Variants in GALNT17 observed in about 807,000 individuals in gnomAD.
GALNT17 encodes UDP-GalNAc:polypeptide N-acetylgalactosaminyltransferase-like 3.
GALNT17 carries 29 observed loss-of-function variants against 63.7 expected under a neutral mutation model. That is an observed-to-expected ratio of 0.46 (90% CI 0.34 to 0.62). GALNT17 has a LOEUF of 0.62. Ranked by LOEUF, GALNT17 falls within the 20% of genes least tolerant of loss-of-function variation. GALNT17 has a pLI of 0.01. For missense variants in GALNT17, 603 were observed against 799.6 expected (o/e 0.75, Z 2.97); for synonymous variants, 305 against 318.3 (o/e 0.96, Z 0.45).
intron 6 of GALNT17, among the ~76,000 whole-genome samples, chr7:71,577,702 C>T (rs1413813870): frequency 6.6e-6 from 1 of 152,146 alleles, no homozygotes; most frequent in Non-Finnish European, 1.5e-5. Context: ...TTAATTTGCA[C>T]TCAGGGTAAA....
At chr7:71,540,105 T>TTTTC (rs1788865117) in intron 5 of GALNT17, among the ~76,000 whole-genome samples, 2 of 100,686 alleles carry the variant, frequency 2.0e-5, no homozygotes. Context: ...TTTTTTTTTT[T>TTTTC]TTTTTTTTTT....
intron 1 of GALNT17, among the ~76,000 whole-genome samples, chr7:71,248,329 A>G (rs112543746): frequency 0.055 from 8,421 of 152,188 alleles, 796 homozygotes; most frequent in African/African-American, 0.19. Flanking sequence ...GGGTATTACA[A>G]TTTGAGATGA....
At chr7:71,394,245 C>T (rs550955880) in intron 3 of GALNT17, among the ~76,000 whole-genome samples, 3 of 152,002 alleles carry the variant, frequency 2.0e-5, no homozygotes, top group South Asian at 2.1e-4. Flanking sequence ...GGAGGAGGTG[C>T]GAGGCTCTTT....
chr7:71,211,675 C>T (rs553816125), intron 1 of GALNT17, among the ~76,000 whole-genome samples: 17 of 152,224 alleles, frequency 1.1e-4, no homozygotes, highest in African/African-American at 4.1e-4. Flanking sequence ...ATGCTGATAG[C>T]TATATGGACA....
chr7:71,349,164 A>G (rs2527310), intron 2 of GALNT17, among the ~76,000 whole-genome samples: 45,700 of 152,172 alleles, frequency 0.3, 7,041 homozygotes, highest in East Asian at 0.48. Context: ...GGAGTTCTTC[A>G]TTGTTCTTGG....
chr7:71,133,623 G>A (rs1585826919), intron 1 of GALNT17, among the ~76,000 whole-genome samples: 1 of 152,172 alleles, frequency 6.6e-6, no homozygotes, highest in East Asian at 1.9e-4. Flanking sequence ...CTTGGGGGCT[G>A]CGGAGGGGCG....
intron 1 of GALNT17, among the ~76,000 whole-genome samples, chr7:71,327,847 A>G (rs1222991641): frequency 2.0e-5 from 3 of 152,216 alleles, no homozygotes; most frequent in Admixed American, 1.3e-4. Context: ...ATGCCTGATA[A>G]CAACTGGATT....
At chr7:71,538,519 A>C (rs986490222) in intron 5 of GALNT17, among the ~76,000 whole-genome samples, 1 of 152,138 alleles carries the variant, frequency 6.6e-6, no homozygotes, top group Non-Finnish European at 1.5e-5. Context: ...TAACCTAATA[A>C]AATTGATTTA....
intron 6 of GALNT17, among the ~76,000 whole-genome samples, chr7:71,592,563 CTAAAATAAAATAAAATAAAA>C (rs71089963): frequency 1.4e-5 from 1 of 69,954 alleles, no homozygotes; most frequent in African/African-American, 4.7e-5. Context: ...GCATAGCATA[CTAAAATAAAATAAAATAAAA>C]TAAAATAAAA....
chr7:71,421,719 G>T (rs1786667896), intron 5 of GALNT17, among the ~76,000 whole-genome samples: 1 of 152,174 alleles, frequency 6.6e-6, no homozygotes, highest in African/African-American at 2.4e-5. Context: ...GGAGGCCAAA[G>T]TGGGTGGATC....
chr7:71,195,411 T>G (rs1789029605), intron 1 of GALNT17, among the ~76,000 whole-genome samples: 1 of 151,296 alleles, frequency 6.6e-6, no homozygotes, highest in Admixed American at 6.6e-5. Flanking sequence ...AGATGGGGTC[T>G]CACTTGTTCA....
At chr7:71,593,199 G>A (rs1472623615) in intron 6 of GALNT17, among the ~76,000 whole-genome samples, 2 of 146,230 alleles carry the variant, frequency 1.4e-5, no homozygotes, top group Non-Finnish European at 3.0e-5. Flanking sequence ...AAAACAATTA[G>A]TTTTGGGACA....
At chr7:71,654,991 T>A (rs1330588508) in intron 6 of GALNT17, among the ~76,000 whole-genome samples, 1 of 152,100 alleles carries the variant, frequency 6.6e-6, no homozygotes, top group African/African-American at 2.4e-5. Flanking sequence ...GGTTTCACTA[T>A]GTTGGCCAGG....
At chr7:71,243,714 C>T (rs1790044635) in intron 1 of GALNT17, among the ~76,000 whole-genome samples, 2 of 152,110 alleles carry the variant, frequency 1.3e-5, no homozygotes, top group Non-Finnish European at 2.9e-5. Context: ...CCTTTAACTT[C>T]CTTCGATCTT....
chr7:71,155,109 T>C (rs1788210140), intron 1 of GALNT17, among the ~76,000 whole-genome samples: 1 of 151,754 alleles, frequency 6.6e-6, no homozygotes, highest in African/African-American at 2.4e-5. Context: ...TGAGTTTATT[T>C]GGAAATGCAA....
intron 9 of GALNT17, among the ~76,000 whole-genome samples, chr7:71,700,167 G>A (rs905784742): frequency 7.2e-5 from 11 of 151,764 alleles, no homozygotes; most frequent in African/African-American, 2.7e-4. Context: ...AACTAGCCAG[G>A]CACAGTGATG....
At chr7:71,570,066 T>G (rs576417096) in intron 5 of GALNT17, among the ~76,000 whole-genome samples, 33 of 151,818 alleles carry the variant, frequency 2.2e-4, no homozygotes, top group Admixed American at 1.2e-3. Flanking sequence ...TTTGGTTGTT[T>G]TTTTTTTTTA....
chr7:71,566,895 A>G (rs903072334), intron 5 of GALNT17, among the ~76,000 whole-genome samples: 2 of 152,046 alleles, frequency 1.3e-5, no homozygotes, highest in Non-Finnish European at 2.9e-5. Flanking sequence ...CCCCACGTCC[A>G]TGTAGTCTCC....
intron 6 of GALNT17, among the ~76,000 whole-genome samples, chr7:71,662,416 C>T (rs184013607): frequency 6.3e-4 from 96 of 152,106 alleles, no homozygotes; most frequent in African/African-American, 1.8e-3. Context: ...CATTATAATT[C>T]GTCCATTTAA....
Sources: allele counts gnomAD v4.1 joint callset (sites outside exome capture counted in the v4.1 genomes callset), GRCh38; gene constraint gnomAD v4.1.1; transcripts MANE v1.5; gene names NCBI Gene and HGNC (gene_info 2026-07-23, HGNC 2026-07-21).